ZNF608: variants seen among roughly 807,000 people sequenced by gnomAD.
The protein encoded by ZNF608 is renal carcinoma antigen NY-REN-36.
Under a neutral mutation model 109.0 loss-of-function variants are expected in ZNF608, and 12 were observed. The ratio of observed to expected loss-of-function variants is 0.11; its 90% CI spans 0.07 to 0.18. The LOEUF (loss-of-function observed/expected upper bound fraction) is 0.18, where lower values mean the gene tolerates loss of function less well. Among genes scored for constraint, ZNF608 ranks in the 10% least tolerant of loss-of-function variants. ZNF608 has a pLI of 1.00. For missense variants in ZNF608, 1,707 were observed against 1,879.3 expected (o/e 0.91, Z 1.70); for synonymous variants, 732 against 717.4 (o/e 1.02, Z -0.33).
At chr5:124,703,592 C>A (rs995384018) in intron 2 of ZNF608, among the ~76,000 whole-genome samples, 1 of 152,068 alleles carries the variant, frequency 6.6e-6, no homozygotes, top group Non-Finnish European at 1.5e-5. Context: ...ACAGCAAGAC[C>A]CCCATCCCTA....
chr5:124,661,920 G>T (rs1028373518), intron 3 of ZNF608, among the ~76,000 whole-genome samples: 1 of 152,188 alleles, frequency 6.6e-6, no homozygotes, highest in Middle Eastern at 3.2e-3. Context: ...TCTCCATGTT[G>T]TTAGTATCAT....
In ZNF608 at chr5:124,721,941, C is replaced by CAAAAAAA. The variant is rs199699487; in HGVS notation, c.907-20679_907-20673dup. 3.3e-3 allele frequency among the ~76,000 whole-genome samples: 69 copies of CAAAAAAA among 20,808 alleles called. 8 individuals are homozygous for CAAAAAAA. The highest frequency in any genetic ancestry group is 0.015 in the East Asian group (17 of 1,136). The allele number at this position is 20,808 out of a possible 152,430, so 13.7% of individuals were successfully genotyped here. A position where few individuals can be genotyped will look rare whatever the true frequency, so the allele number is the denominator to read the frequency against. ...TGGGCGACAGAATGAGACTCTGTCT[C>CAAAAAAA]AAAAAAAAAAAAAAAAAAAAAAAAA... On this transcript the variant is annotated intron_variant, in intron 2 of 9. Transcript: ENST00000513986.
intron 3 of ZNF608, among the ~76,000 whole-genome samples, chr5:124,691,571 G>A (rs1483296112): frequency 6.6e-6 from 1 of 152,174 alleles, no homozygotes; most frequent in African/African-American, 2.4e-5. Flanking sequence ...GCCAACATAT[G>A]AAAGCAACCT....
intron 2 of ZNF608, among the ~76,000 whole-genome samples, chr5:124,727,515 A>G (rs553457048): frequency 7.9e-5 from 12 of 152,154 alleles, no homozygotes; most frequent in Admixed American, 6.5e-4. Context: ...AGATATTAAC[A>G]AATATGGAAA....
rs191424244 is a variant in ZNF608 at position 124,637,694 on chromosome 5, G to T, written c.*206C>A. 5.2e-4 allele frequency: 136 copies of T among 260,288 alleles called. 1 individual carries two copies. Among genetic ancestry groups the T allele is most frequent in the Admixed American group, 6.1e-4 (11 of 18,052 alleles). 16.1% of individuals were successfully genotyped at this position (260,288 alleles called of 1,614,324 possible). On this transcript the variant is annotated 3_prime_UTR_variant, in exon 10 of 10. Transcript: ENST00000513986. ...ATATATATATATATGTATATATACAGATATGTATACGTATATATATATAAA... is the reference window on the plus strand; with the variant it reads ...ATATATATATATATGTATATATACATATATGTATACGTATATATATATAAA...
chr5:124,679,412 C>T (rs965940748), intron 3 of ZNF608, among the ~76,000 whole-genome samples: 23 of 147,616 alleles, frequency 1.6e-4, no homozygotes, highest in Non-Finnish European at 2.6e-4. Flanking sequence ...TTCTTCCTTC[C>T]TTCTTTTCCT....
chr5:124,698,404 G>T (rs909041697), intron 3 of ZNF608, among the ~76,000 whole-genome samples: 1 of 152,152 alleles, frequency 6.6e-6, no homozygotes, highest in Non-Finnish European at 1.5e-5. Context: ...AGTTTATTCA[G>T]CAAGAATAAC....
intron 2 of ZNF608, among the ~76,000 whole-genome samples, chr5:124,726,807 T>A (rs553522374): frequency 2.8e-4 from 42 of 152,320 alleles, no homozygotes; most frequent in African/African-American, 7.7e-4. Context: ...GAGTCCAATC[T>A]GGACATGGGC....
intron 2 of ZNF608, among the ~76,000 whole-genome samples, chr5:124,727,756 T>A (rs1398318956): frequency 8.8e-6 from 1 of 113,344 alleles, no homozygotes; most frequent in Non-Finnish European, 1.8e-5. Flanking sequence ...TTTTTTTTTT[T>A]AAGACAGAGT....
At chr5:124,734,759 T>C (rs928063648) in intron 2 of ZNF608, 2 of 152,228 alleles carry the variant, frequency 1.3e-5, no homozygotes, top group African/African-American at 2.4e-5. Context: ...AATTTAAACG[T>C]GTGGAACAAA....
intron 2 of ZNF608, among the ~76,000 whole-genome samples, chr5:124,728,502 T>TC (rs1748732307): frequency 1.3e-5 from 2 of 152,100 alleles, no homozygotes; most frequent in African/African-American, 2.4e-5. Context: ...GGAAGCACCT[T>TC]CTCTTGACCT....
At chr5:124,743,077 G>C (rs1749482256) in intron 2 of ZNF608, among the ~76,000 whole-genome samples, 2 of 152,100 alleles carry the variant, frequency 1.3e-5, no homozygotes, top group Non-Finnish European at 2.9e-5. Flanking sequence ...TAGTCAATGT[G>C]GTCTATGACT....
At chr5:124,701,316 T>A (rs1753044230) in intron 2 of ZNF608, 47 bp from the exon 3 acceptor site, 3 of 1,600,516 alleles carry the variant, frequency 1.9e-6, no homozygotes, top group Non-Finnish European at 2.6e-6. Flanking sequence ...TTCCGTGAAT[T>A]CCTTTTAATG....
At chr5:124,699,868 T>C (rs1478818446) in intron 3 of ZNF608, among the ~76,000 whole-genome samples, 1 of 152,182 alleles carries the variant, frequency 6.6e-6, no homozygotes, top group Non-Finnish European at 1.5e-5. Flanking sequence ...ACCCTCAATA[T>C]TCCCCATCCA....
chr5:124,680,584 T>C (rs77500956), intron 3 of ZNF608, among the ~76,000 whole-genome samples: 2,495 of 152,290 alleles, frequency 0.016, 30 homozygotes, highest in South Asian at 0.037. Context: ...TACTGAAGCA[T>C]GTAGAATTTC....
chr5:124,736,538 C>G (rs1219611976), intron 2 of ZNF608, among the ~76,000 whole-genome samples: 1 of 151,818 alleles, frequency 6.6e-6, no homozygotes, highest in African/African-American at 2.4e-5. Flanking sequence ...ACAAAAGGTA[C>G]TTTTATGCCA....
chr5:124,730,455 A>C (rs73298954), intron 2 of ZNF608, among the ~76,000 whole-genome samples: 2,055 of 152,356 alleles, frequency 0.013, 44 homozygotes, highest in African/African-American at 0.046. Context: ...AGACAGGATT[A>C]TCTGCTGGAA....
intron 2 of ZNF608, among the ~76,000 whole-genome samples, chr5:124,723,666 T>C (rs1754024157): frequency 6.6e-6 from 1 of 152,112 alleles, no homozygotes; most frequent in Admixed American, 6.5e-5. Flanking sequence ...CCAGCCTGGG[T>C]GATGGAGTGA....
At chr5:124,733,217 CTTTTT>C (rs67421322) in intron 2 of ZNF608, among the ~76,000 whole-genome samples, 15 of 117,586 alleles carry the variant, frequency 1.3e-4, no homozygotes, top group Non-Finnish European at 8.5e-5. Flanking sequence ...ATCTCTCTCT[CTTTTT>C]TTTTTTTTTT....
Sources: allele counts gnomAD v4.1 joint callset (sites outside exome capture counted in the v4.1 genomes callset), GRCh38; gene constraint gnomAD v4.1.1; transcripts MANE v1.5; gene names NCBI Gene and HGNC (gene_info 2026-07-23, HGNC 2026-07-21).